The following KDM7A variants were observed in gnomAD, a reference collection of about 807,000 sequenced individuals.
KDM7A encodes lysine demethylase 7A.
A neutral mutation model predicts 114.8 loss-of-function variants in KDM7A; 28 were observed. That is an observed-to-expected ratio of 0.24 (90% confidence interval 0.18 to 0.33). KDM7A has a LOEUF of 0.33. KDM7A is among the 10% of genes least tolerant of loss of function. The probability of loss-of-function intolerance (pLI) is 1.00; values close to 1 mark genes in which losing one functional copy is unlikely to be tolerated. For missense variants in KDM7A, 942 were observed against 1,142.5 expected (o/e 0.82, Z 2.53); for synonymous variants, 423 against 397.8 (o/e 1.06, Z -0.75).
chr7:140,093,927 T>G (rs1818062830), intron 18 of KDM7A, 129 bp downstream of exon 18: 2 of 689,662 alleles, frequency 2.9e-6, no homozygotes, highest in Non-Finnish European at 5.3e-6. Context: ...AATGTGCATT[T>G]AACTGTAATT....
chr7:140,108,564 G>C (rs566138071), intron 11 of KDM7A, among the ~76,000 whole-genome samples: 2 of 152,252 alleles, frequency 1.3e-5, no homozygotes, highest in South Asian at 4.2e-4. Context: ...CGTTTGCCTG[G>C]GTATCACCAG....
intron 1 of KDM7A, among the ~76,000 whole-genome samples, chr7:140,158,439 G>T (rs918669906): frequency 6.6e-6 from 1 of 152,176 alleles, no homozygotes; most frequent in African/African-American, 2.4e-5. Flanking sequence ...TGACTCTAAA[G>T]ATTCTGCCCT....
intron 1 of KDM7A, among the ~76,000 whole-genome samples, chr7:140,154,548 A>C (rs1326179780): frequency 6.6e-6 from 1 of 151,764 alleles, no homozygotes; most frequent in African/African-American, 2.4e-5. Flanking sequence ...TGCAGGAGTC[A>C]AAGTTATTCA....
Position 140,099,990 on chromosome 7 carries a change from T to C in KDM7A, c.1672A>G (p.Asn558Asp), listed in dbSNP as rs1388998222. The change falls in exon 13 of 20, where the codon AAC becomes GAC. Residue 558 changes from asparagine to aspartate, a missense_variant. Asn to Asp is a conservative substitution (Grantham distance 23, BLOSUM62 1). Around this residue, in one of 4 missense-constraint regions of KDM7A, gnomAD observed 512 missense variants for 576.6 expected, o/e 0.89. Transcript: ENST00000397560. ...ILSSKLNGKFNKHLQPSSTVP... is the reference protein window; with the variant it reads ...ILSSKLNGKFDKHLQPSSTVP... ...GTGGAGGATGGTTGGAGATGTTTGT[T>C]GAATTTTCCATTCAGTTTAGAGCTC... 6.2e-7 allele frequency: 1 copy of C among 1,614,066 alleles called. No homozygotes were observed. Among genetic ancestry groups the C allele is most frequent in the South Asian group, 1.1e-5 (1 of 91,084 alleles).
chr7:140,112,757 T>C (rs892705503), intron 10 of KDM7A, among the ~76,000 whole-genome samples: 5 of 152,098 alleles, frequency 3.3e-5, no homozygotes, highest in African/African-American at 4.8e-5. Flanking sequence ...ACAGACCCAG[T>C]TGAAGGAAAC....
intron 11 of KDM7A, among the ~76,000 whole-genome samples, chr7:140,102,396 A>C (rs1320742541): frequency 6.7e-6 from 1 of 149,690 alleles, no homozygotes; most frequent in Admixed American, 6.6e-5. Context: ...TTTTTGACAC[A>C]GGGTCTCGCT....
In KDM7A at chr7:140,089,963, A is replaced by T. The variant is rs1817993398; in HGVS notation, c.*1131T>A. 1 of 152,218 alleles carries T rather than the reference A, an allele frequency of 6.6e-6. No individual in the cohort carries two copies. The allele number at this position is 152,218 out of a possible 1,614,324, so 9.4% of individuals were successfully genotyped here. A position where few individuals can be genotyped will look rare whatever the true frequency, so the allele number is the denominator to read the frequency against. On this transcript the variant is annotated 3_prime_UTR_variant, in exon 20 of 20. Transcript: ENST00000397560. ...TATTATATTACGGCTTATGATGCAG[A>T]TTTGAATATCCTAAATAACATTTCC...
In KDM7A at chr7:140,094,077, A is replaced by T. The variant is rs1818064907; in HGVS notation, c.2436T>A (p.Asp812Glu). The stretch of plus-strand genomic sequence containing the variant: ...ATACCTGAGGATGAAATCTGGAAGT[A>T]TCAAACTGTTTAATCCAGGAGGAAG... ...LRTSSWIKQFDTSRFHPQDLS... is the reference protein window; with the variant it reads ...LRTSSWIKQFETSRFHPQDLS... The change falls in exon 18 of 20, where the codon GAT becomes GAA. Residue 812 changes from aspartate (D) to glutamate (E), a missense_variant. Physicochemically the swap from Asp to Glu is conservative, Grantham distance 45. This residue lies in a region of KDM7A where 512 missense variants were observed against 576.6 expected (regional missense o/e 0.89). Transcript: ENST00000397560. The T allele has an allele frequency of 6.3e-7, 1 of 1,591,614 alleles. No homozygotes were observed. The highest frequency in any genetic ancestry group is 8.6e-7 in the Non-Finnish European group (1 of 1,159,514).
intron 12 of KDM7A, 90 bp downstream of exon 12, chr7:140,101,852 TAGATATCAA>T (rs1818231878): frequency 3.8e-6 from 3 of 784,946 alleles, no homozygotes. Context: ...CAGCCAAGAT[TAGATATCAA>T]CAATAGTCAA....
intron 6 of KDM7A, among the ~76,000 whole-genome samples, chr7:140,126,363 A>C (rs1175751865): frequency 1.4e-4 from 22 of 152,186 alleles, no homozygotes; most frequent in Admixed American, 1.4e-3. Flanking sequence ...AAAAAAATCA[A>C]GAAGAGACAA....
rs776178011 is a variant in KDM7A at position 140,084,811 on chromosome 7, C to T, written c.*6283G>A. 2.0e-5 allele frequency: 3 copies of T among 152,108 alleles called. No homozygotes were observed. Among genetic ancestry groups the T allele is most frequent in the Non-Finnish European group, 4.4e-5 (3 of 68,026 alleles). The allele number at this position is 152,108 out of a possible 1,614,324, so 9.4% of individuals were successfully genotyped here. ...TTTTATACAATTTTCAACATTTATA[C>T]TTTCAAACAAAATGAGCAAAAAATA... On this transcript the variant is annotated 3_prime_UTR_variant, in exon 20 of 20. Transcript: ENST00000397560.
chr7:140,157,275 T>TC (rs1321711529), intron 1 of KDM7A, among the ~76,000 whole-genome samples: 1 of 152,206 alleles, frequency 6.6e-6, no homozygotes, highest in East Asian at 1.9e-4. Context: ...GATTTTTTTG[T>TC]CCCACCACTG....
chr7:140,123,197 G>A (rs1818642705), intron 7 of KDM7A, among the ~76,000 whole-genome samples: 1 of 152,214 alleles, frequency 6.6e-6, no homozygotes, highest in Non-Finnish European at 1.5e-5. Flanking sequence ...GCACTGGTGA[G>A]GGTGTGGAGA....
At chr7:140,117,808 T>A (rs1818555958) in intron 9 of KDM7A, among the ~76,000 whole-genome samples, 1 of 152,244 alleles carries the variant, frequency 6.6e-6, no homozygotes, top group African/African-American at 2.4e-5. Context: ...AAACACTGAA[T>A]GTGTCAGGGA....
At chr7:140,095,115 T>C (rs1383994849) in intron 17 of KDM7A, among the ~76,000 whole-genome samples, 1 of 152,244 alleles carries the variant, frequency 6.6e-6, no homozygotes, top group Non-Finnish European at 1.5e-5. Flanking sequence ...CCCAAAGTGC[T>C]GGGATTACTG....
chr7:140,144,181 C>A (rs1383228783), intron 1 of KDM7A, among the ~76,000 whole-genome samples: 1 of 152,186 alleles, frequency 6.6e-6, no homozygotes. Flanking sequence ...CCGAATAGAA[C>A]TGAGAGTCCA....
At position 140,091,120 on chromosome 7, in the gene KDM7A, T is replaced by C. The variant is rs1332393212; in HGVS notation, c.2800A>G (p.Asn934Asp). Residue 934 changes from asparagine (N) to aspartate (D), a missense_variant, in exon 20 of 20, where the codon AAT becomes GAT. By Grantham distance (23) the Asn-to-Asp change is conservative (BLOSUM62 1). Coordinates refer to ENST00000397560, the MANE Select transcript of KDM7A (RefSeq NM_030647.2). ...RLGKILKLNR[N>D]GHARFFV ...CACACAAAGAAACGTGCATGGCCAT[T>C]TCTGTTCAACTTAAGGATCTTCCCA... 1 of 1,613,950 alleles carries C rather than the reference T, an allele frequency of 6.2e-7. No homozygotes were observed.
At chr7:140,151,589 G>C (rs1794401181) in intron 1 of KDM7A, among the ~76,000 whole-genome samples, 1 of 152,086 alleles carries the variant, frequency 6.6e-6, no homozygotes, top group Admixed American at 6.5e-5. Flanking sequence ...CAATGAAAAA[G>C]GACACAGTAT....
At chr7:140,123,414 T>C (rs929136975) in intron 7 of KDM7A, among the ~76,000 whole-genome samples, 8 of 152,214 alleles carry the variant, frequency 5.3e-5, no homozygotes, top group African/African-American at 1.9e-4. Flanking sequence ...ATTCAAATAG[T>C]CAAAATGTGG....
Sources: gnomAD v4.1 joint callset for allele counts (sites outside exome capture counted in the v4.1 genomes callset) on GRCh38, gnomAD v4.1.1 for gene constraint, gnomAD v4.1.1 regional missense constraint, MANE v1.5 for transcripts, NCBI Gene and HGNC (gene_info 2026-07-23, HGNC 2026-07-21) for gene names.